Variants in EPRS1 observed in about 807,000 individuals in gnomAD.
The protein encoded by EPRS1 is glutamyl-prolyl-tRNA synthetase 1.
EPRS1 carries 107 observed loss-of-function variants against 188.3 expected under a neutral mutation model. That is an observed-to-expected ratio of 0.57 (90% CI 0.49 to 0.67). The LOEUF (loss-of-function observed/expected upper bound fraction) is 0.67. EPRS1 is among the 30% of genes least tolerant of loss of function. The pLI, the probability that EPRS1 is intolerant of heterozygous loss-of-function variation, is 0.00. For missense variants in EPRS1, 1,577 were observed against 1,802.2 expected (o/e 0.88, Z 2.26); for synonymous variants, 596 against 593.1 (o/e 1.00, Z -0.07).
chr1:220,037,505 C>CAAAAAAA (rs766349279), intron 2 of EPRS1, among the ~76,000 whole-genome samples: 2 of 52,302 alleles, frequency 3.8e-5, no homozygotes, highest in Non-Finnish European at 4.1e-5. Context: ...ACTCCATCTC[C>CAAAAAAA]AAAAAAAAAA....
At chr1:220,027,589 C>CGAAA (rs1553253810) in intron 6 of EPRS1, among the ~76,000 whole-genome samples, 1 of 78,562 alleles carries the variant, frequency 1.3e-5, no homozygotes, top group Non-Finnish European at 2.3e-5. Context: ...GAGGCTATGT[C>CGAAA]AAAAAAAAAA....
At chr1:220,031,083 T>A (rs1451877183) in intron 5 of EPRS1, among the ~76,000 whole-genome samples, 1 of 100,158 alleles carries the variant, frequency 1.0e-5, no homozygotes, top group Non-Finnish European at 1.9e-5. Context: ...CGAGCAAAAC[T>A]CTGTCTCAAA....
At chr1:219,975,383 G>T (rs947589285) in intron 28 of EPRS1, among the ~76,000 whole-genome samples, 1 of 152,176 alleles carries the variant, frequency 6.6e-6, no homozygotes, top group African/African-American at 2.4e-5. Flanking sequence ...TCAGAAAAGG[G>T]AATTACAAGC....
chr1:220,007,162 T>C (rs769198136), intron 14 of EPRS1, 40 bp downstream of exon 14: 1 of 1,540,136 alleles, frequency 6.5e-7, no homozygotes, highest in South Asian at 1.2e-5. Flanking sequence ...TAAAATACTT[T>C]TCTCCTATGT....
At position 220,006,177 on chromosome 1, in the gene EPRS1, C is replaced by T; in HGVS notation, c.1879G>A (p.Glu627Lys). Residue 627 changes from glutamate (E) to lysine (K), a missense_variant, in exon 15 of 32, where the codon GAG (glutamate) becomes AAG (lysine). By Grantham distance (56) the Glu-to-Lys change is moderately conservative. Transcript: ENST00000366923. ...LPIPVICVTY[E>K]HLITKPVLGK... Reference sequence around the variant, plus strand: ...AGCACTGGCTTTGTGATCAAGTGCTCATAAGTGACACAGATTACTGGAATA... The same window carrying T: ...AGCACTGGCTTTGTGATCAAGTGCTTATAAGTGACACAGATTACTGGAATA... The T allele has an allele frequency of 1.2e-6, 2 of 1,601,850 alleles. 1 individual carries two copies. The highest frequency in any genetic ancestry group is 2.2e-5 in the South Asian group (2 of 89,800).
At chr1:219,979,685 A>C (rs1660855206) in intron 26 of EPRS1, 70 bp from the exon 27 acceptor site, 2 of 1,050,078 alleles carry the variant, frequency 1.9e-6, no homozygotes, top group Non-Finnish European at 2.8e-6. Flanking sequence ...GATTACTATA[A>C]GATCACATGC....
At chr1:220,029,599 A>T (rs1445228172) in intron 6 of EPRS1, among the ~76,000 whole-genome samples, 2 of 152,246 alleles carry the variant, frequency 1.3e-5, no homozygotes, top group African/African-American at 4.8e-5. Context: ...TTAAATTTGG[A>T]AAAAATAATC....
chr1:220,024,879 T>A (rs78897660), intron 7 of EPRS1, among the ~76,000 whole-genome samples: 2,681 of 152,286 alleles, frequency 0.018, 81 homozygotes, highest in African/African-American at 0.062. Flanking sequence ...CCAGTGACCA[T>A]TTAATAAATT....
At chr1:219,982,996 G>T in intron 22 of EPRS1, 152 bp from the exon 23 acceptor site, 1 of 750,980 alleles carries the variant, frequency 1.3e-6, no homozygotes, top group Non-Finnish European at 2.2e-6. Flanking sequence ...GGAAAGGTAC[G>T]CACTTACTGA....
At chr1:220,004,139 C>T (rs767433029) in intron 16 of EPRS1, among the ~76,000 whole-genome samples, 1 of 152,100 alleles carries the variant, frequency 6.6e-6, no homozygotes, top group African/African-American at 2.4e-5. Context: ...GCAATCCTGC[C>T]GCCTCACCTG....
At chr1:220,021,633 A>C (rs779900914) in intron 9 of EPRS1, among the ~76,000 whole-genome samples, 2 of 152,256 alleles carry the variant, frequency 1.3e-5, no homozygotes, top group African/African-American at 4.8e-5. Context: ...TAGTAAAACA[A>C]GGAGTAATCC....
chr1:220,003,188 C>T (rs951935896), intron 16 of EPRS1, among the ~76,000 whole-genome samples: 1 of 152,138 alleles, frequency 6.6e-6, no homozygotes, highest in African/African-American at 2.4e-5. Context: ...AATGATATTT[C>T]ATTGTCATTT....
rs1444688973 is a variant in EPRS1, at chr1:220,020,097, C to T, written c.1240G>A (p.Gly414Ser). 2 of 1,613,940 alleles carry T rather than the reference C, an allele frequency of 1.2e-6. No homozygotes were observed. Among genetic ancestry groups the T allele is most frequent in the Non-Finnish European group, 1.7e-6 (2 of 1,179,890 alleles). The stretch of plus-strand genomic sequence containing the variant: ...TCCCAAATATATGGTTTTCTTATGC[C>T]TAAAGCTTCAATAATCCAGTAAAAC... ...EQFYWIIEAL[G>S]IRKPYIWEYS... Residue 414 changes from glycine (G) to serine (S), a missense_variant, in exon 10 of 32, where the codon GGC becomes AGC. Coordinates refer to ENST00000366923, the MANE Select transcript of EPRS1 (RefSeq NM_004446.3).
chr1:219,968,995 C>T, intron 31 of EPRS1, 39 bp from the exon 32 acceptor site: 2 of 1,612,138 alleles, frequency 1.2e-6, no homozygotes, highest in South Asian at 2.2e-5. Context: ...CTCATTTATG[C>T]TGCAAATTGC....
intron 6 of EPRS1, among the ~76,000 whole-genome samples, chr1:220,026,854 T>C (rs934809633): frequency 6.6e-6 from 1 of 151,934 alleles, no homozygotes; most frequent in Non-Finnish European, 1.5e-5. Flanking sequence ...GATATCCATA[T>C]GGGAGGGGGA....
rs1660614021 is a variant in EPRS1, at chr1:219,968,865, T to G, written c.4480A>C (p.Lys1494Gln). Reference protein sequence around the residue: ...KPLCELQPGAKCVCGKNPAKY... With the variant: ...KPLCELQPGAQCVCGKNPAKY... ...GCAGGGTTCTTGCCACAGACACATT[T>G]GGCTCCAGGCTGCAGTTCACAGAGT... The change falls in exon 32 of 32, where the codon AAA (lysine) becomes CAA (glutamine). Residue 1494 changes from lysine (K) to glutamine (Q), a missense_variant. Transcript: ENST00000366923. 4.3e-6 allele frequency: 7 copies of G among 1,614,174 alleles called. No homozygotes were observed. The highest frequency in any genetic ancestry group is 5.1e-6 in the Non-Finnish European group (6 of 1,180,008).
intron 1 of EPRS1, among the ~76,000 whole-genome samples, chr1:220,042,471 T>C (rs1428438684): frequency 1.5e-5 from 2 of 137,782 alleles, no homozygotes; most frequent in Admixed American, 1.5e-4. Flanking sequence ...GCAACAAGAA[T>C]GAAACCCCAT....
At chr1:220,022,564 C>A (rs1661898229) in intron 8 of EPRS1, 46 bp from the exon 9 acceptor site, 4 of 1,421,108 alleles carry the variant, frequency 2.8e-6, no homozygotes, top group Non-Finnish European at 3.9e-6. Context: ...TGGTTAAATT[C>A]AAATTATTCT....
At position 219,980,770 on chromosome 1, in the gene EPRS1, C is replaced by A; in HGVS notation, c.3541G>T (p.Glu1181Ter). 1.2e-6 allele frequency: 2 copies of A among 1,610,652 alleles called. No homozygotes were observed. Among genetic ancestry groups the A allele is most frequent in the Non-Finnish European group, 1.7e-6 (2 of 1,177,396 alleles). The change falls in exon 25 of 32, where the codon GAG (glutamate) becomes TAG (stop). Residue 1181 changes from glutamate to a stop codon, truncating the protein, a stop_gained. Transcript: ENST00000366923. LOFTEE classifies it high-confidence loss of function. ...EGHSAFATME[E>*]AAEEVLQILD... ...ACTTTTTATACCTCTTCCGCTGCCT[C>A]TTCCATGGTAGCAAAAGCACTGTGC...
Sources: gnomAD v4.1 joint callset for allele counts (sites outside exome capture counted in the v4.1 genomes callset) on GRCh38, gnomAD v4.1.1 for gene constraint, MANE v1.5 for transcripts, NCBI Gene and HGNC (gene_info 2026-07-23, HGNC 2026-07-21) for gene names.